Variants in ADARB2 observed in about 807,000 individuals in gnomAD.
The protein encoded by ADARB2 is adenosine deaminase RNA specific B2 (inactive), also known as inactive double-stranded RNA-specific editase B2.
In ADARB2, 25 loss-of-function variants were observed where a neutral mutation model predicts 62.2. The ratio of observed to expected loss-of-function variants is 0.40; its 90% CI spans 0.29 to 0.56. The LOEUF (loss-of-function observed/expected upper bound fraction) is 0.56, where lower values mean the gene tolerates loss of function less well. Ranked by LOEUF, ADARB2 falls within the 20% of genes least tolerant of loss-of-function variation. The probability of loss-of-function intolerance (pLI) is 0.43; values close to 1 mark genes in which losing one functional copy is unlikely to be tolerated. For missense variants in ADARB2, 1,071 were observed against 1,077.4 expected (o/e 0.99, Z 0.08); for synonymous variants, 572 against 500.8 (o/e 1.14, Z -1.90).
intron 7 of ADARB2, among the ~76,000 whole-genome samples, chr10:1,204,724 G>A (rs1044010039): frequency 2.6e-5 from 4 of 152,246 alleles, no homozygotes; most frequent in African/African-American, 9.6e-5. Context: ...GCACCATCGT[G>A]ACTGCCTCCT....
chr10:1,603,208 G>A (rs1662120698), intron 1 of ADARB2, among the ~76,000 whole-genome samples: 2 of 152,116 alleles, frequency 1.3e-5, no homozygotes, highest in Admixed American at 1.3e-4. Flanking sequence ...TGGCCGGGGT[G>A]GAGCTGGGAT....
chr10:1,448,004 T>C (rs563375509), intron 1 of ADARB2, among the ~76,000 whole-genome samples: 1 of 152,230 alleles, frequency 6.6e-6, no homozygotes, highest in Non-Finnish European at 1.5e-5. Flanking sequence ...GTTGATTCCA[T>C]GTATTTGCTA....
At chr10:1,523,864 G>A (rs1328359190) in intron 1 of ADARB2, among the ~76,000 whole-genome samples, 2 of 151,832 alleles carry the variant, frequency 1.3e-5, no homozygotes, top group Non-Finnish European at 2.9e-5. Context: ...TGTATAAATG[G>A]CCTGCATATT....
intron 1 of ADARB2, among the ~76,000 whole-genome samples, chr10:1,556,261 C>CTT (rs5782583): frequency 0.27 from 40,276 of 147,160 alleles, 6,576 homozygotes; most frequent in East Asian, 0.56. Flanking sequence ...AACAAAAAGT[C>CTT]TTTTTTTTTT....
intron 1 of ADARB2, among the ~76,000 whole-genome samples, chr10:1,445,998 C>G (rs1167075724): frequency 6.6e-6 from 1 of 152,186 alleles, no homozygotes; most frequent in Non-Finnish European, 1.5e-5. Context: ...CTCTCTCTCA[C>G]CATGTAAAGC....
intron 1 of ADARB2, among the ~76,000 whole-genome samples, chr10:1,507,366 T>C (rs1831865364): frequency 6.6e-6 from 1 of 152,198 alleles, no homozygotes; most frequent in South Asian, 2.1e-4. Flanking sequence ...GCATGAGCCT[T>C]GGCACCGGAC....
Position 1,363,067 on chromosome 10 carries a change from G to A in ADARB2, c.1038C>T (p.Gly346=). 1 of 1,456,028 alleles carries A rather than the reference G, an allele frequency of 6.9e-7. No individual in the cohort carries two copies. The highest frequency in any genetic ancestry group is 9.0e-7 in the Non-Finnish European group (1 of 1,107,272). 90.2% of individuals were successfully genotyped at this position (1,456,028 alleles called of 1,614,324 possible). A position where few individuals can be genotyped will look rare whatever the true frequency, so the allele number is the denominator to read the frequency against. Residue 346 remains glycine (G), a synonymous_variant, in exon 3 of 10, where the codon GGC becomes GGT. Coordinates refer to ENST00000381312, the MANE Select transcript of ADARB2 (RefSeq NM_018702.4). ...LQELFDIQMP[G]HAPGRARRTP... ...TCCTCCTGGCCCTGCCGGGCGCGTG[G>A]CCGGGCATCTGGATGTCGAACAGCT...
chr10:1,443,438 G>T (rs1354191091), intron 1 of ADARB2, among the ~76,000 whole-genome samples: 2 of 151,894 alleles, frequency 1.3e-5, no homozygotes, highest in African/African-American at 4.8e-5. Flanking sequence ...ACAGTTTTTG[G>T]TCTGCCATTC....
chr10:1,299,035 G>A, intron 3 of ADARB2, among the ~76,000 whole-genome samples: 1 of 151,928 alleles, frequency 6.6e-6, no homozygotes, highest in Non-Finnish European at 1.5e-5. Flanking sequence ...GTGAGCCACA[G>A]TGCCCAGCCA....
chr10:1,507,024 A>G (rs1230159845), intron 1 of ADARB2, among the ~76,000 whole-genome samples: 1 of 152,180 alleles, frequency 6.6e-6, no homozygotes, highest in Non-Finnish European at 1.5e-5. Flanking sequence ...AGCCTGTGGC[A>G]CTCAGGGACC....
rs544971036 is a variant in ADARB2 at position 1,480,520 on chromosome 10, A to C, written c.101-101360T>G. On this transcript the variant is annotated intron_variant, in intron 1 of 9. Coordinates refer to ENST00000381312, the MANE Select transcript of ADARB2 (RefSeq NM_018702.4). ...GAGACCATCCTGGCTAACATGGTGAAACCCCATCTCTACTAAAAATACAAA... is the reference window on the plus strand; with the variant it reads ...GAGACCATCCTGGCTAACATGGTGACACCCCATCTCTACTAAAAATACAAA... Among the ~76,000 whole-genome samples the C allele has an allele frequency of 9.3e-4, 142 of 152,280 alleles. No individual in the cohort carries two copies. The Middle Eastern group carries it at 0.02, about 22-fold the overall frequency.
At chr10:1,351,437 T>C (rs189622915) in intron 3 of ADARB2, among the ~76,000 whole-genome samples, 2,569 of 151,726 alleles carry the variant, frequency 0.017, 34 homozygotes, top group Non-Finnish European at 0.023. Context: ...CCAACTCTGG[T>C]GCCAACTTAG....
intron 1 of ADARB2, among the ~76,000 whole-genome samples, chr10:1,439,406 C>T (rs940972203): frequency 6.8e-6 from 1 of 146,138 alleles, no homozygotes. Context: ...TCCTGAGTCT[C>T]CCCCAGGACA....
chr10:1,285,763 A>G (rs576968421), intron 3 of ADARB2, among the ~76,000 whole-genome samples: 5 of 152,360 alleles, frequency 3.3e-5, no homozygotes, highest in African/African-American at 1.2e-4. Context: ...TGCAAGACTC[A>G]AACTTTACTC....
At chr10:1,376,978 T>G (rs1463958858) in intron 2 of ADARB2, among the ~76,000 whole-genome samples, 1 of 120,164 alleles carries the variant, frequency 8.3e-6, no homozygotes, top group African/African-American at 3.1e-5. Flanking sequence ...ACCCCTGGGG[T>G]GTGTGTGTGT....
chr10:1,615,431 A>C (rs1833619227), intron 1 of ADARB2, among the ~76,000 whole-genome samples: 1 of 152,140 alleles, frequency 6.6e-6, no homozygotes. Flanking sequence ...CCAGTTACCC[A>C]CCACCCAGAG....
At chr10:1,262,133 G>C (rs981846179) in intron 4 of ADARB2, among the ~76,000 whole-genome samples, 1 of 119,864 alleles carries the variant, frequency 8.3e-6, no homozygotes, top group Admixed American at 9.2e-5. Context: ...CACACTCTGG[G>C]GACTGTGGTG....
At chr10:1,658,052 TCTA>T (rs1412861321) in intron 1 of ADARB2, among the ~76,000 whole-genome samples, 1 of 100,612 alleles carries the variant, frequency 9.9e-6, no homozygotes, top group East Asian at 5.7e-4. Context: ...CTCTTCTGTC[TCTA>T]CTGTCTCTCT....
At chr10:1,730,623 TTA>T (rs143309147) in intron 1 of ADARB2, among the ~76,000 whole-genome samples, 14,874 of 152,168 alleles carry the variant, frequency 0.098, 922 homozygotes, top group Non-Finnish European at 0.14. Flanking sequence ...ACCTGAGCAT[TTA>T]TATCATCTTT....
Sources: allele counts gnomAD v4.1 joint callset (sites outside exome capture counted in the v4.1 genomes callset), GRCh38; gene constraint gnomAD v4.1.1; transcripts MANE v1.5; gene names NCBI Gene and HGNC (gene_info 2026-07-23, HGNC 2026-07-21).